Variants in NPAS2 observed in about 807,000 individuals in gnomAD.
The protein encoded by NPAS2 is neuronal PAS domain-containing protein 2.
NPAS2 carries 23 observed loss-of-function variants against 107.5 expected under a neutral mutation model. The observed-to-expected ratio is 0.21, with a 90% CI of 0.15 to 0.30. The LOEUF is 0.30. Among genes scored for constraint, NPAS2 ranks in the 10% least tolerant of loss-of-function variants. The probability of loss-of-function intolerance (pLI) is 1.00; values close to 1 mark genes in which losing one functional copy is unlikely to be tolerated. For synonymous variants in NPAS2, 403 were observed against 417.5 expected (o/e 0.97, Z 0.42); for missense variants, 756 against 1,043.3 (o/e 0.72, Z 3.79).
At chr2:100,933,589 ATCTACAGGGCC>A (rs1684115370) in intron 4 of NPAS2, among the ~76,000 whole-genome samples, 1 of 152,052 alleles carries the variant, frequency 6.6e-6, no homozygotes, top group Admixed American at 6.5e-5. Context: ...CCCCATACTC[ATCTACAGGGCC>A]GTATTTGTGA....
intron 1 of NPAS2, among the ~76,000 whole-genome samples, chr2:100,865,033 C>T (rs1249024222): frequency 6.6e-6 from 1 of 152,134 alleles, no homozygotes; most frequent in African/African-American, 2.4e-5. Context: ...TATCACGTGC[C>T]AGTGTCCTCT....
At position 100,864,934 on chromosome 2, in the gene NPAS2, G is replaced by A. The variant is rs569795994; in HGVS notation, c.-22-39799G>A. On this transcript the variant is annotated intron_variant, in intron 1 of 20. Coordinates refer to ENST00000335681, the MANE Select transcript of NPAS2 (RefSeq NM_002518.4). ...ATTTTAACACAAAAATAATAACTAC[G>A]TTTCCCCAAACAGTATAATTTAGTG... Among the ~76,000 whole-genome samples, 392 of 152,192 alleles carry A rather than the reference G, an allele frequency of 2.6e-3. 1 individual carries two copies. Among genetic ancestry groups the A allele is most frequent in the African/African-American group, 9.0e-3 (372 of 41,514 alleles).
intron 7 of NPAS2, among the ~76,000 whole-genome samples, chr2:100,955,730 C>G (rs926768145): frequency 5.3e-5 from 8 of 152,116 alleles, no homozygotes; most frequent in Non-Finnish European, 7.4e-5. Context: ...CGTCTGTGGG[C>G]TCTGTGCACT....
chr2:100,921,242 G>A (rs6725296), intron 2 of NPAS2, among the ~76,000 whole-genome samples: 35,899 of 152,156 alleles, frequency 0.24, 5,029 homozygotes, highest in African/African-American at 0.38. Flanking sequence ...GAGTTACACA[G>A]CCTCTCAGTG....
chr2:100,956,867 TTGAGGGGAAGGGAGGAACAAAGCC>T (rs1326931161), intron 7 of NPAS2, among the ~76,000 whole-genome samples: 2 of 152,172 alleles, frequency 1.3e-5, no homozygotes, highest in African/African-American at 4.8e-5. Context: ...TCGTAGGAAT[TTGAGGGGAAGGGAGGAACAAAGCC>T]CCTTTGCTCT....
intron 16 of NPAS2, chr2:100,987,419 C>T (rs1573805114): frequency 6.6e-6 from 1 of 152,212 alleles, no homozygotes; most frequent in African/African-American, 2.4e-5. Flanking sequence ...GATTACAAAA[C>T]TTGAACATAA....
intron 20 of NPAS2, 124 bp downstream of exon 20, chr2:100,993,651 A>G (rs892297656): frequency 2.9e-6 from 2 of 686,370 alleles, no homozygotes; most frequent in African/African-American, 3.7e-5. Context: ...GTATAGAAGT[A>G]AGCCCCAGAA....
intron 1 of NPAS2, among the ~76,000 whole-genome samples, chr2:100,852,711 G>A (rs1291557599): frequency 6.6e-6 from 1 of 152,068 alleles, no homozygotes; most frequent in Non-Finnish European, 1.5e-5. Flanking sequence ...CAAGAGAGAT[G>A]GGAGGCACTG....
chr2:100,988,533 T>C (rs1326433027), intron 17 of NPAS2: 11 of 489,610 alleles, frequency 2.2e-5, no homozygotes, highest in Non-Finnish European at 4.1e-5. Flanking sequence ...CTTAAAGATA[T>C]CACTCGGCTG....
rs146277624 is a variant in NPAS2, at chr2:100,900,298, C to G, written c.-22-4435C>G. 9.3e-4 allele frequency among the ~76,000 whole-genome samples: 141 copies of G among 152,208 alleles called. 2 individuals are homozygous for G. In the East Asian group the frequency reaches 0.025, roughly 27 times the overall value. On this transcript the variant is annotated intron_variant, in intron 1 of 20. Coordinates refer to ENST00000335681, the MANE Select transcript of NPAS2 (RefSeq NM_002518.4). ...TTAAGCAGGCAAAAGAATTAGACAT[C>G]TTACAAAAGAAGATATCTAAATAGC...
In NPAS2 at chr2:100,864,519, G is replaced by A. The variant is rs369274569; in HGVS notation, c.-22-40214G>A. ...CCACGAGAACCTTACCTTGGGACACGTGGGAAGTGTCTTCCTTGAAACTCT... is the reference window on the plus strand; with the variant it reads ...CCACGAGAACCTTACCTTGGGACACATGGGAAGTGTCTTCCTTGAAACTCT... On this transcript the variant is annotated intron_variant, in intron 1 of 20. Transcript: ENST00000335681. 5.6e-4 allele frequency among the ~76,000 whole-genome samples: 86 copies of A among 152,328 alleles called. 2 individuals carry two copies. In the South Asian group the frequency reaches 0.017, roughly 31 times the overall value.
chr2:100,902,330 T>C (rs974558967), intron 1 of NPAS2, among the ~76,000 whole-genome samples: 6 of 152,160 alleles, frequency 3.9e-5, no homozygotes, highest in African/African-American at 1.4e-4. Flanking sequence ...CCCATGTCCA[T>C]GGACAGATGA....
intron 5 of NPAS2, among the ~76,000 whole-genome samples, chr2:100,939,590 T>A (rs1191974646): frequency 6.6e-6 from 1 of 152,072 alleles, no homozygotes; most frequent in East Asian, 1.9e-4. Context: ...GCTGGGGTAT[T>A]CTTTGGAGGG....
chr2:100,916,380 T>A (rs1216870798), intron 2 of NPAS2, among the ~76,000 whole-genome samples: 1 of 152,078 alleles, frequency 6.6e-6, no homozygotes, highest in Non-Finnish European at 1.5e-5. Flanking sequence ...TATGATGCTA[T>A]AGGTAGAGGG....
At chr2:100,948,123 CTTTCCA>C (rs1448020853) in intron 5 of NPAS2, 106 bp from the exon 6 acceptor site, 1 of 1,214,096 alleles carries the variant, frequency 8.2e-7, no homozygotes, top group Non-Finnish European at 1.2e-6. Flanking sequence ...AGATATTGAA[CTTTCCA>C]TTTCAGAAAC....
At chr2:100,961,774 T>G (rs1227091448) in intron 7 of NPAS2, among the ~76,000 whole-genome samples, 1 of 152,204 alleles carries the variant, frequency 6.6e-6, no homozygotes, top group African/African-American at 2.4e-5. Context: ...GGGAAGGCAT[T>G]TCTGACAGAG....
At chr2:100,896,389 C>G (rs1341185666) in intron 1 of NPAS2, among the ~76,000 whole-genome samples, 2 of 146,190 alleles carry the variant, frequency 1.4e-5, no homozygotes, top group Non-Finnish European at 3.0e-5. Context: ...AGGGTCTGCT[C>G]TGTCCCCAAG....
intron 7 of NPAS2, among the ~76,000 whole-genome samples, chr2:100,952,386 G>A (rs1439271084): frequency 2.0e-5 from 3 of 151,736 alleles, no homozygotes; most frequent in Admixed American, 6.6e-5. Flanking sequence ...CCAACATGGA[G>A]AAACCCCGTC....
intron 7 of NPAS2, among the ~76,000 whole-genome samples, 153 bp downstream of exon 7, chr2:100,949,633 C>T (rs1019840240): frequency 6.6e-6 from 1 of 152,170 alleles, no homozygotes; most frequent in Non-Finnish European, 1.5e-5. Flanking sequence ...TGTTTTTGTG[C>T]TCATCGATGT....
Sources: allele counts gnomAD v4.1 joint callset (sites outside exome capture counted in the v4.1 genomes callset), GRCh38; gene constraint gnomAD v4.1.1; transcripts MANE v1.5; gene names NCBI Gene and HGNC (gene_info 2026-07-23, HGNC 2026-07-21).